Variants in TNNI3K observed in about 807,000 individuals in gnomAD.
The protein encoded by TNNI3K is serine/threonine-protein kinase TNNI3K.
A neutral mutation model predicts 114.5 loss-of-function variants in TNNI3K; 140 were observed. The ratio of observed to expected loss-of-function variants is 1.22; its 90% CI spans 1.07 to 1.41. The LOEUF (loss-of-function observed/expected upper bound fraction) is 1.41, where lower values mean the gene tolerates loss of function less well. Among genes scored for constraint, TNNI3K ranks in the 40% most tolerant of loss-of-function variants. TNNI3K has a pLI of 0.00. For synonymous variants in TNNI3K, 347 were observed against 347.5 expected (o/e 1.00, Z 0.02); for missense variants, 1,125 against 1,007.6 (o/e 1.12, Z -1.58).
chr1:74,439,648 T>G (rs747573026), intron 20 of TNNI3K, 26 bp downstream of exon 20: 1 of 1,611,624 alleles, frequency 6.2e-7, no homozygotes, highest in East Asian at 2.2e-5. Flanking sequence ...ATTGAAGTTT[T>G]CCTGTTTTAC....
intron 23 of TNNI3K, among the ~76,000 whole-genome samples, chr1:74,504,236 G>A (rs1002098443): frequency 2.0e-5 from 3 of 152,138 alleles, no homozygotes; most frequent in Non-Finnish European, 2.9e-5. Context: ...AAGGTGATAG[G>A]GCTCTATGTT....
At chr1:74,351,514 G>C (rs1488947493) in intron 9 of TNNI3K, among the ~76,000 whole-genome samples, 3 of 152,124 alleles carry the variant, frequency 2.0e-5, no homozygotes, top group Admixed American at 1.3e-4. Context: ...ATGTTGGCCT[G>C]CCTTGCTAGA....
intron 17 of TNNI3K, among the ~76,000 whole-genome samples, chr1:74,404,427 T>C (rs1311850391): frequency 1.3e-5 from 2 of 152,178 alleles, no homozygotes; most frequent in Admixed American, 6.5e-5. Context: ...AAGAACTTGA[T>C]ATCTTAAATA....
intron 21 of TNNI3K, among the ~76,000 whole-genome samples, chr1:74,474,528 A>C (rs1668096919): frequency 2.6e-5 from 4 of 152,120 alleles, no homozygotes; most frequent in Non-Finnish European, 1.5e-5. Context: ...TGTCATTCAT[A>C]CTCTTAGAGA....
At chr1:74,440,874 T>G (rs1030074867) in intron 20 of TNNI3K, among the ~76,000 whole-genome samples, 4 of 152,170 alleles carry the variant, frequency 2.6e-5, no homozygotes, top group Middle Eastern at 3.4e-3. Flanking sequence ...TACAGAAAAT[T>G]GATTATAATT....
At chr1:74,515,241 T>C (rs1646332847) in intron 23 of TNNI3K, among the ~76,000 whole-genome samples, 1 of 152,184 alleles carries the variant, frequency 6.6e-6, no homozygotes, top group Admixed American at 6.5e-5. Flanking sequence ...ATGACATAAC[T>C]TCATAGAGCT....
intron 17 of TNNI3K, among the ~76,000 whole-genome samples, chr1:74,387,557 C>T (rs181344704): frequency 1.3e-5 from 2 of 152,240 alleles, no homozygotes; most frequent in South Asian, 2.1e-4. Flanking sequence ...AAAAAGCTTT[C>T]GGTATCATTT....
intron 9 of TNNI3K, among the ~76,000 whole-genome samples, chr1:74,348,022 T>C (rs1326085728): frequency 6.6e-6 from 1 of 152,220 alleles, no homozygotes; most frequent in Non-Finnish European, 1.5e-5. Flanking sequence ...TTTGTCAATT[T>C]TGGCTTTTGT....
chr1:74,338,536 G>A (rs1277963020), intron 7 of TNNI3K, among the ~76,000 whole-genome samples: 1 of 151,666 alleles, frequency 6.6e-6, no homozygotes, highest in Admixed American at 6.6e-5. Context: ...TAAAAGCCCA[G>A]CTGTAAGAAC....
At chr1:74,510,307 C>G (rs1446822194) in intron 23 of TNNI3K, among the ~76,000 whole-genome samples, 1 of 152,068 alleles carries the variant, frequency 6.6e-6, no homozygotes, top group African/African-American at 2.4e-5. Flanking sequence ...GAGATCGAGA[C>G]CATCCTGGCT....
At position 74,250,712 on chromosome 1, in the gene TNNI3K, C is replaced by T. The variant is rs748553688; in HGVS notation, c.276C>T (p.Leu92=). ...TTCGAACTCTTATGTTGAAAGGGCT[C>T]CGCCCATCTCGACTGACAAGAAATG... The part of the protein sequence containing the change: ...SHIRTLMLKG[L]RPSRLTRNGF... Residue 92 remains leucine, a synonymous_variant, in exon 4 of 25, where the codon CTC becomes CTT. Transcript: ENST00000326637. 8 of 1,613,452 alleles carry T rather than the reference C, an allele frequency of 5.0e-6. No homozygotes were observed. The highest frequency in any genetic ancestry group is 6.8e-6 in the Non-Finnish European group (8 of 1,179,754).
chr1:74,313,404 A>G (rs944376726), intron 5 of TNNI3K, among the ~76,000 whole-genome samples: 2 of 152,212 alleles, frequency 1.3e-5, no homozygotes, highest in Non-Finnish European at 2.9e-5. Flanking sequence ...TTACAGGTTG[A>G]CACAGTCTGA....
chr1:74,279,083 C>T (rs1656849709), intron 5 of TNNI3K, among the ~76,000 whole-genome samples: 1 of 152,170 alleles, frequency 6.6e-6, no homozygotes, highest in African/African-American at 2.4e-5. Context: ...ACTAAAACTT[C>T]AAGTCCCCAA....
intron 2 of TNNI3K, among the ~76,000 whole-genome samples, chr1:74,238,857 T>A (rs1654020797): frequency 6.6e-6 from 1 of 152,004 alleles, no homozygotes; most frequent in Non-Finnish European, 1.5e-5. Context: ...GCCTCTTATG[T>A]TAATGGAGAT....
intron 21 of TNNI3K, among the ~76,000 whole-genome samples, chr1:74,487,393 C>G (rs1428969616): frequency 1.3e-5 from 2 of 152,054 alleles, no homozygotes; most frequent in African/African-American, 2.4e-5. Context: ...AAATAGCCAT[C>G]CGAAGTGTGA....
At chr1:74,243,687 A>C (rs1654383841) in intron 2 of TNNI3K, among the ~76,000 whole-genome samples, 1 of 152,170 alleles carries the variant, frequency 6.6e-6, no homozygotes, top group Non-Finnish European at 1.5e-5. Flanking sequence ...TCAAAGGTAA[A>C]GGCTAGGAAA....
rs1014521399 is a variant in TNNI3K at position 74,343,305 on chromosome 1, G to A, written c.932+126G>A. On this transcript the variant is annotated intron_variant, in intron 9 of 24. Coordinates refer to ENST00000326637, the MANE Select transcript of TNNI3K (RefSeq NM_015978.3). Reference sequence around the variant, plus strand: ...CAATCAGAGAGCAATAGCAGAGGTAGGGCAGAGGACAAAGAGCCAGAGCTA... The same window carrying A: ...CAATCAGAGAGCAATAGCAGAGGTAAGGCAGAGGACAAAGAGCCAGAGCTA... 4.7e-6 allele frequency: 5 copies of A among 1,053,010 alleles called. No homozygotes were observed. The East Asian group carries it at 1.3e-4, about 27-fold the overall frequency. The allele number at this position is 1,053,010 out of a possible 1,614,324, so 65.2% of individuals were successfully genotyped here. A position where few individuals can be genotyped will look rare whatever the true frequency, so the allele number is the denominator to read the frequency against.
chr1:74,504,273 CTAAAG>C (rs1669778513), intron 23 of TNNI3K, among the ~76,000 whole-genome samples: 1 of 152,164 alleles, frequency 6.6e-6, no homozygotes, highest in Non-Finnish European at 1.5e-5. Context: ...CTGATGTGGA[CTAAAG>C]TAACCATGTT....
chr1:74,257,761 C>A (rs373618530), intron 4 of TNNI3K, among the ~76,000 whole-genome samples: 1 of 150,464 alleles, frequency 6.6e-6, no homozygotes, highest in Non-Finnish European at 1.5e-5. Flanking sequence ...CTCCGCCTCC[C>A]GGTTCAAGCC....
Sources: allele counts gnomAD v4.1 joint callset (sites outside exome capture counted in the v4.1 genomes callset), GRCh38; gene constraint gnomAD v4.1.1; transcripts MANE v1.5; gene names NCBI Gene and HGNC (gene_info 2026-07-23, HGNC 2026-07-21).